SLC2A13: variants seen among roughly 807,000 people sequenced by gnomAD.
SLC2A13 encodes proton myo-inositol cotransporter.
Under a neutral mutation model 64.4 loss-of-function variants are expected in SLC2A13, and 32 were observed. That is an observed-to-expected ratio of 0.50 (90% confidence interval 0.37 to 0.67). The LOEUF (loss-of-function observed/expected upper bound fraction) is 0.67, where lower values mean the gene tolerates loss of function less well. Among genes scored for constraint, SLC2A13 ranks in the 30% least tolerant of loss-of-function variants. The pLI, the probability that SLC2A13 is intolerant of heterozygous loss-of-function variation, is 0.00. For synonymous variants in SLC2A13, 338 were observed against 327.1 expected (o/e 1.03, Z -0.36); for missense variants, 743 against 829.2 (o/e 0.90, Z 1.28).
chr12:39,984,931 A>C (rs1294287783), intron 3 of SLC2A13, among the ~76,000 whole-genome samples: 2 of 152,164 alleles, frequency 1.3e-5, no homozygotes, highest in Non-Finnish European at 2.9e-5. Context: ...GCCACTGGGG[A>C]AATCACCAAG....
intron 3 of SLC2A13, among the ~76,000 whole-genome samples, chr12:40,025,840 G>GT (rs1947795169): frequency 6.6e-6 from 1 of 152,162 alleles, no homozygotes; most frequent in Non-Finnish European, 1.5e-5. Context: ...TTATTACTTT[G>GT]AAGTTAGCCA....
intron 3 of SLC2A13, among the ~76,000 whole-genome samples, chr12:39,992,892 G>A (rs1014003577): frequency 6.6e-6 from 1 of 152,216 alleles, no homozygotes; most frequent in African/African-American, 2.4e-5. Context: ...AACTGGGGCT[G>A]TGTCCTTGTT....
chr12:39,765,754 C>T (rs1940325262), intron 7 of SLC2A13, among the ~76,000 whole-genome samples: 1 of 152,060 alleles, frequency 6.6e-6, no homozygotes. Flanking sequence ...TTCCAGGACA[C>T]ATGCACAGGA....
Position 39,962,235 on chromosome 12 carries a change from C to T in SLC2A13, c.926-10870G>A, listed in dbSNP as rs369386035. On this transcript the variant is annotated intron_variant, in intron 3 of 9. Transcript: ENST00000280871. ...CCTCCTGAGTAGCTGGGATTACAGG[C>T]GCACACCACCATGCCCAGCTAATTT... Among the ~76,000 whole-genome samples the T allele has an allele frequency of 1.2e-4, 18 of 152,266 alleles. No individual in the cohort carries two copies. In the South Asian group the frequency reaches 2.5e-3, roughly 21 times the overall value.
At chr12:39,769,658 T>A (rs1023539566) in intron 7 of SLC2A13, among the ~76,000 whole-genome samples, 2 of 151,950 alleles carry the variant, frequency 1.3e-5, no homozygotes, top group Non-Finnish European at 2.9e-5. Context: ...GGGGTCACGT[T>A]CCATCAATAT....
At chr12:39,938,788 G>C (rs1228038710) in intron 4 of SLC2A13, among the ~76,000 whole-genome samples, 1 of 151,604 alleles carries the variant, frequency 6.6e-6, no homozygotes, top group Non-Finnish European at 1.5e-5. Flanking sequence ...CATATTTGGA[G>C]ACAGGATTTT....
At chr12:39,963,770 T>C (rs1946456974) in intron 3 of SLC2A13, among the ~76,000 whole-genome samples, 1 of 152,232 alleles carries the variant, frequency 6.6e-6, no homozygotes, top group Non-Finnish European at 1.5e-5. Flanking sequence ...TTTATATGGA[T>C]ATTGAGTAAT....
intron 4 of SLC2A13, among the ~76,000 whole-genome samples, chr12:39,885,468 C>T (rs1340886025): frequency 6.6e-6 from 1 of 152,090 alleles, no homozygotes; most frequent in East Asian, 1.9e-4. Flanking sequence ...CCTTGATCCC[C>T]GCTTCTACAA....
chr12:39,877,567 T>A (rs1162090274), intron 4 of SLC2A13, among the ~76,000 whole-genome samples: 1 of 152,150 alleles, frequency 6.6e-6, no homozygotes, highest in Admixed American at 6.5e-5. Flanking sequence ...AGGCAATAAC[T>A]ATATTCTCTT....
At chr12:39,961,256 T>A (rs1301079964) in intron 3 of SLC2A13, among the ~76,000 whole-genome samples, 1 of 151,842 alleles carries the variant, frequency 6.6e-6, no homozygotes, top group Non-Finnish European at 1.5e-5. Flanking sequence ...TTTTTATAAT[T>A]TTGGTAGAGA....
chr12:39,911,592 G>A (rs920400988), intron 4 of SLC2A13, among the ~76,000 whole-genome samples: 2 of 152,162 alleles, frequency 1.3e-5, no homozygotes, highest in Admixed American at 1.3e-4. Context: ...TTCAATGTAA[G>A]TACAGTACCC....
intron 7 of SLC2A13, among the ~76,000 whole-genome samples, chr12:39,819,456 A>C (rs183618781): frequency 7.6e-4 from 115 of 152,272 alleles, no homozygotes; most frequent in Non-Finnish European, 1.3e-3. Context: ...AGTTTACTAC[A>C]AACTTTTATT....
chr12:40,017,971 A>G lies in SLC2A13; in HGVS notation c.925+10330T>C, dbSNP rs1307661357. On this transcript the variant is annotated intron_variant, in intron 3 of 9. Coordinates refer to ENST00000280871, the MANE Select transcript of SLC2A13 (RefSeq NM_052885.4). ...CCACACTGAAGTGGCTTCAATGCAC[A>G]TATTTAAAAAAAAAAAAAAAAAGAA... Among the ~76,000 whole-genome samples the G allele has an allele frequency of 3.7e-5, 4 of 107,034 alleles. No homozygotes were observed. In the East Asian group the frequency reaches 6.7e-4, roughly 18 times the overall value. 70.2% of individuals were successfully genotyped at this position (107,034 alleles called of 152,430 possible).
At chr12:39,859,496 T>C (rs1184875864) in intron 6 of SLC2A13, among the ~76,000 whole-genome samples, 1 of 152,062 alleles carries the variant, frequency 6.6e-6, no homozygotes, top group Non-Finnish European at 1.5e-5. Flanking sequence ...CAGATGACCC[T>C]GGTTAAGACT....
intron 4 of SLC2A13, among the ~76,000 whole-genome samples, chr12:39,936,402 G>A (rs1252298304): frequency 1.3e-5 from 2 of 152,150 alleles, no homozygotes; most frequent in Admixed American, 1.3e-4. Flanking sequence ...GAAGAAGGGT[G>A]CATATACCCT....
intron 2 of SLC2A13, among the ~76,000 whole-genome samples, chr12:40,044,319 G>C (rs999769779): frequency 1.3e-5 from 2 of 152,034 alleles, no homozygotes; most frequent in Non-Finnish European, 1.5e-5. Context: ...GGACAGCTTG[G>C]GGGGTTAGGG....
rs376600192 is a variant in SLC2A13 at position 40,056,659 on chromosome 12, C to T, written c.557-8449G>A. Among the ~76,000 whole-genome samples the T allele has an allele frequency of 3.3e-5, 5 of 152,202 alleles. No individual in the cohort carries two copies. The East Asian group carries it at 5.8e-4, about 18-fold the overall frequency. ...TCAGAGCTAAAAGGACGTGAATCAC[C>T]TGAATACAGATGATAATTGCATAGG... On this transcript the variant is annotated intron_variant, in intron 1 of 9. Transcript: ENST00000280871.
intron 3 of SLC2A13, among the ~76,000 whole-genome samples, chr12:39,959,191 GT>G: frequency 6.6e-6 from 1 of 152,246 alleles, no homozygotes; most frequent in Non-Finnish European, 1.5e-5. Flanking sequence ...CACCCACGCT[GT>G]TTTCCTCTTC....
At chr12:39,939,744 A>C (rs1338417507) in intron 4 of SLC2A13, among the ~76,000 whole-genome samples, 1 of 152,238 alleles carries the variant, frequency 6.6e-6, no homozygotes, top group African/African-American at 2.4e-5. Flanking sequence ...TTTGTTGAAC[A>C]AAGTACAATT....
Sources: gnomAD v4.1 joint callset for allele counts (sites outside exome capture counted in the v4.1 genomes callset) on GRCh38, gnomAD v4.1.1 for gene constraint, MANE v1.5 for transcripts, NCBI Gene and HGNC (gene_info 2026-07-23, HGNC 2026-07-21) for gene names.